Variants in AGBL4 observed in about 807,000 individuals in gnomAD.
AGBL4 encodes cytosolic carboxypeptidase 6.
In AGBL4, 58 loss-of-function variants were observed where a neutral mutation model predicts 66.4. The observed-to-expected ratio is 0.87, with a 90% CI of 0.71 to 1.09. The LOEUF (loss-of-function observed/expected upper bound fraction) is 1.09. Ranked by LOEUF, AGBL4 falls within the 50% of genes least tolerant of loss-of-function variation. AGBL4 has a pLI of 0.00. For missense variants in AGBL4, 579 were observed against 631.0 expected (o/e 0.92, Z 0.88); for synonymous variants, 234 against 222.9 (o/e 1.05, Z -0.44).
chr1:48,984,448 T>C (rs575001464), intron 5 of AGBL4, among the ~76,000 whole-genome samples: 1 of 150,336 alleles, frequency 6.7e-6, no homozygotes, highest in South Asian at 2.2e-4. Flanking sequence ...GTATGTTTTA[T>C]CTTTCTTTAA....
chr1:49,822,341 T>TG (rs1557481184), intron 2 of AGBL4, among the ~76,000 whole-genome samples: 4 of 143,630 alleles, frequency 2.8e-5, no homozygotes, highest in African/African-American at 1.0e-4. Context: ...GTGTGTGTGT[T>TG]TGTGTGAGAC....
At chr1:49,229,342 A>G (rs1650137118) in intron 4 of AGBL4, among the ~76,000 whole-genome samples, 1 of 152,220 alleles carries the variant, frequency 6.6e-6, no homozygotes, top group Non-Finnish European at 1.5e-5. Flanking sequence ...CTAAACACAG[A>G]AAAGACGTAA....
At chr1:49,595,741 G>A (rs1644840291) in intron 3 of AGBL4, among the ~76,000 whole-genome samples, 1 of 151,914 alleles carries the variant, frequency 6.6e-6, no homozygotes, top group Admixed American at 6.6e-5. Context: ...AGGCACAGAA[G>A]GTTTTATTTT....
At chr1:48,608,548 T>C (rs939740388) in intron 9 of AGBL4, among the ~76,000 whole-genome samples, 18 of 151,222 alleles carry the variant, frequency 1.2e-4, no homozygotes, top group African/African-American at 4.4e-4. Context: ...GAGAAGTGGA[T>C]GGATGGATGG....
intron 5 of AGBL4, among the ~76,000 whole-genome samples, chr1:48,902,065 ATCAT>A (rs1424644657): frequency 1.3e-5 from 2 of 152,178 alleles, no homozygotes; most frequent in African/African-American, 2.4e-5. Flanking sequence ...CTTGTTCACT[ATCAT>A]GAGAACAGCA....
chr1:49,227,816 C>T lies in AGBL4; in HGVS notation c.377+17954G>A, dbSNP rs376610712. Among the ~76,000 whole-genome samples, 38 of 152,290 alleles carry T rather than the reference C, an allele frequency of 2.5e-4. 1 individual carries two copies. The highest frequency in any genetic ancestry group is 9.1e-4 in the African/African-American group (38 of 41,558). ...TTAAACAATCACTCAATATTCATGG[C>T]TGCAGTGCCCTATTCTCTAATCTTC... On this transcript the variant is annotated intron_variant, in intron 4 of 13. Coordinates refer to ENST00000371839, the MANE Select transcript of AGBL4 (RefSeq NM_032785.4).
At position 49,267,667 on chromosome 1, in the gene AGBL4, G is replaced by A. The variant is rs184962952; in HGVS notation, c.283-21803C>T. On this transcript the variant is annotated intron_variant, in intron 3 of 13. Coordinates refer to ENST00000371839, the MANE Select transcript of AGBL4 (RefSeq NM_032785.4). ...TGCACTTCAGCCTGGGCAACGGAGC[G>A]AGACTCTGTCCCAAAAAAAAAAGAC... Among the ~76,000 whole-genome samples the A allele has an allele frequency of 2.7e-4, 41 of 151,730 alleles. No individual in the cohort carries two copies. In the East Asian group the frequency reaches 6.8e-3, roughly 25 times the overall value.
intron 3 of AGBL4, among the ~76,000 whole-genome samples, chr1:49,683,897 G>A (rs1407840132): frequency 1.3e-5 from 2 of 152,132 alleles, no homozygotes; most frequent in Non-Finnish European, 2.9e-5. Context: ...GTGTTTGGTA[G>A]GCTGCTGGAA....
chr1:49,443,391 T>A (rs1418089284), intron 3 of AGBL4, among the ~76,000 whole-genome samples: 1 of 152,142 alleles, frequency 6.6e-6, no homozygotes. Context: ...AATATTTTTA[T>A]AATTTCAGAT....
At chr1:48,761,308 A>G in intron 6 of AGBL4, 1 of 1,535,438 alleles carries the variant, frequency 6.5e-7, no homozygotes, top group Non-Finnish European at 8.8e-7. Context: ...GCTCCAGCAT[A>G]CCTCCAAAGA....
chr1:49,432,960 C>A (rs1357220352), intron 3 of AGBL4, among the ~76,000 whole-genome samples: 1 of 152,122 alleles, frequency 6.6e-6, no homozygotes, highest in African/African-American at 2.4e-5. Context: ...AACTGATAAT[C>A]TAATGGCCAA....
At chr1:49,603,967 CA>C (rs1558093692) in intron 3 of AGBL4, among the ~76,000 whole-genome samples, 4 of 150,188 alleles carry the variant, frequency 2.7e-5, no homozygotes, top group African/African-American at 4.9e-5. Flanking sequence ...CACACACACA[CA>C]CACACACACA....
chr1:48,637,545 AG>A (rs1398281187), intron 8 of AGBL4, among the ~76,000 whole-genome samples: 1 of 152,200 alleles, frequency 6.6e-6, no homozygotes, highest in Non-Finnish European at 1.5e-5. Flanking sequence ...GGGCAGCTAT[AG>A]GAAACCCAGG....
At chr1:49,209,643 G>A (rs1570077320) in intron 4 of AGBL4, among the ~76,000 whole-genome samples, 1 of 152,232 alleles carries the variant, frequency 6.6e-6, no homozygotes, top group East Asian at 1.9e-4. Flanking sequence ...TGGGGATTAT[G>A]AGTTGAGGAC....
chr1:48,760,911 T>C (rs1041271344), intron 6 of AGBL4: 1 of 154,622 alleles, frequency 6.5e-6, no homozygotes, highest in Non-Finnish European at 1.4e-5. Flanking sequence ...ACAAATCCCT[T>C]CTGTGAACCT....
At chr1:49,907,353 G>A (rs747771535) in intron 1 of AGBL4, among the ~76,000 whole-genome samples, 79 of 152,168 alleles carry the variant, frequency 5.2e-4, no homozygotes, top group Non-Finnish European at 9.9e-4. Flanking sequence ...ATTCCAAAAA[G>A]AATATAGTTT....
At chr1:49,348,241 C>G (rs745564974) in intron 3 of AGBL4, among the ~76,000 whole-genome samples, 12 of 151,738 alleles carry the variant, frequency 7.9e-5, no homozygotes, top group Non-Finnish European at 1.8e-4. Context: ...ACACGGTGAA[C>G]CCCTGTCTCT....
chr1:48,833,248 T>A (rs1169901271), intron 6 of AGBL4, among the ~76,000 whole-genome samples: 2 of 152,198 alleles, frequency 1.3e-5, no homozygotes, highest in African/African-American at 4.8e-5. Context: ...CATCTGTTGA[T>A]GTCTCAGATG....
At chr1:49,502,187 G>A (rs1405814929) in intron 3 of AGBL4, among the ~76,000 whole-genome samples, 2 of 152,128 alleles carry the variant, frequency 1.3e-5, no homozygotes, top group Non-Finnish European at 2.9e-5. Flanking sequence ...GTCTGTGAGG[G>A]TGTTGGCCTT....
Sources: allele counts gnomAD v4.1 joint callset (sites outside exome capture counted in the v4.1 genomes callset), GRCh38; gene constraint gnomAD v4.1.1; transcripts MANE v1.5; gene names NCBI Gene and HGNC (gene_info 2026-07-23, HGNC 2026-07-21).